GRIP1: variants seen among roughly 807,000 people sequenced by gnomAD.
The protein encoded by GRIP1 is glutamate receptor-interacting protein 1.
In GRIP1, 45 loss-of-function variants were observed where a neutral mutation model predicts 129.9. The ratio of observed to expected loss-of-function variants is 0.35; its 90% CI spans 0.27 to 0.44. The LOEUF (loss-of-function observed/expected upper bound fraction) is 0.44, where lower values mean the gene tolerates loss of function less well. Among genes scored for constraint, GRIP1 ranks in the 20% least tolerant of loss-of-function variants. The pLI, the probability that GRIP1 is intolerant of heterozygous loss-of-function variation, is 1.00. For missense variants in GRIP1, 1,196 were observed against 1,396.8 expected (o/e 0.86, Z 2.29); for synonymous variants, 530 against 520.8 (o/e 1.02, Z -0.24).
At chr12:66,738,541 T>C (rs1592793739) in intron 1 of GRIP1, among the ~76,000 whole-genome samples, 2 of 152,182 alleles carry the variant, frequency 1.3e-5, no homozygotes, top group African/African-American at 4.8e-5. Flanking sequence ...TTTTTTTTAA[T>C]TGCAAGAAAC....
At chr12:66,776,151 T>C (rs2037972945) in intron 1 of GRIP1, among the ~76,000 whole-genome samples, 1 of 152,210 alleles carries the variant, frequency 6.6e-6, no homozygotes, top group South Asian at 2.1e-4. Context: ...TGCCCAAGGC[T>C]ACAGGCCAGA....
intron 2 of GRIP1, among the ~76,000 whole-genome samples, chr12:66,581,323 C>A (rs61926082): frequency 1.3e-5 from 2 of 150,796 alleles, no homozygotes; most frequent in African/African-American, 4.9e-5. Flanking sequence ...AAATTGACAC[C>A]CTAACATCAC....
At chr12:66,601,580 C>T (rs1174692232) in intron 1 of GRIP1, among the ~76,000 whole-genome samples, 1 of 152,162 alleles carries the variant, frequency 6.6e-6, no homozygotes, top group African/African-American at 2.4e-5. Context: ...GACTAATCGT[C>T]CTATGCTAAA....
chr12:66,356,034 C>T (rs1298463025), intron 23 of GRIP1, among the ~76,000 whole-genome samples: 3 of 152,168 alleles, frequency 2.0e-5, no homozygotes, highest in African/African-American at 4.8e-5. Context: ...AGACAAAGCT[C>T]CAAGGTCGAC....
chr12:66,488,858 C>A (rs750360410), intron 7 of GRIP1, among the ~76,000 whole-genome samples: 9 of 152,098 alleles, frequency 5.9e-5, no homozygotes, highest in African/African-American at 9.7e-5. Flanking sequence ...TGCACACAAA[C>A]TAGAAAATCT....
At chr12:66,878,963 T>C (rs867049348) in intron 1 of GRIP1, among the ~76,000 whole-genome samples, 2 of 151,788 alleles carry the variant, frequency 1.3e-5, no homozygotes, top group African/African-American at 4.8e-5. Flanking sequence ...AGAGACAATA[T>C]GGACACTGAT....
At position 66,758,280 on chromosome 12, in the gene GRIP1, A is replaced by C. The variant is rs565865847; in HGVS notation, c.-420+45773T>G. On this transcript the variant is annotated intron_variant, in intron 1 of 4. Transcript: ENST00000538373. ...CAGCAGCAAGAGAAAAATGAGGAACAAACAAAAGCAGAAGCTCCTGATAAA... is the reference window on the plus strand; with the variant it reads ...CAGCAGCAAGAGAAAAATGAGGAACCAACAAAAGCAGAAGCTCCTGATAAA... Among the ~76,000 whole-genome samples, 16 of 152,302 alleles carry C rather than the reference A, an allele frequency of 1.1e-4. No homozygotes were observed. The East Asian group carries it at 3.1e-3, about 29-fold the overall frequency.
In GRIP1 at chr12:66,800,850, C is replaced by T. The variant is rs1592858318; in HGVS notation, c.-420+3203G>A. ...GAATTTCAAAAAGTAAATGGTGCTT[C>T]TTGGTGGATACGATTAAATAAAAAA... is the stretch of plus-strand genomic sequence containing the variant. On this transcript the variant is annotated intron_variant, in intron 1 of 4. Coordinates refer to the GRIP1 transcript ENST00000538373. Among the ~76,000 whole-genome samples, 4 of 151,990 alleles carry T rather than the reference C, an allele frequency of 2.6e-5. No homozygotes were observed. The South Asian group carries it at 6.2e-4, about 24-fold the overall frequency.
chr12:67,020,247 C>T (rs935768726), intron 1 of GRIP1, among the ~76,000 whole-genome samples: 15 of 152,168 alleles, frequency 9.9e-5, no homozygotes, highest in African/African-American at 3.6e-4. Flanking sequence ...CTTTATTTCA[C>T]AGTCTGTGTC....
intron 1 of GRIP1, among the ~76,000 whole-genome samples, chr12:66,990,244 A>G (rs1317715987): frequency 6.6e-6 from 1 of 152,142 alleles, no homozygotes; most frequent in Non-Finnish European, 1.5e-5. Context: ...TACATTTTTA[A>G]ATGGTATCTG....
At chr12:66,694,605 T>G (rs1399476987) in intron 1 of GRIP1, among the ~76,000 whole-genome samples, 2 of 150,874 alleles carry the variant, frequency 1.3e-5, no homozygotes, top group Non-Finnish European at 3.0e-5. Context: ...GTGTGAGGAT[T>G]ATGTTACATT....
intron 1 of GRIP1, among the ~76,000 whole-genome samples, chr12:67,061,301 T>A (rs1370361714): frequency 6.6e-6 from 1 of 152,194 alleles, no homozygotes; most frequent in African/African-American, 2.4e-5. Context: ...GCCTTTGTGA[T>A]ATAGTAACGT....
intron 13 of GRIP1, among the ~76,000 whole-genome samples, chr12:66,436,920 A>C (rs2058324114): frequency 6.9e-6 from 1 of 145,354 alleles, no homozygotes; most frequent in African/African-American, 2.6e-5. Flanking sequence ...CAGGAGACGG[A>C]GGTTGATAGC....
chr12:66,672,675 A>C (rs1425553301), intron 1 of GRIP1, among the ~76,000 whole-genome samples: 1 of 152,136 alleles, frequency 6.6e-6, no homozygotes, highest in African/African-American at 2.4e-5. Context: ...TCAAACACTG[A>C]CGGCTTGCCT....
intron 5 of GRIP1, among the ~76,000 whole-genome samples, chr12:66,526,987 T>C (rs76450057): frequency 0.011 from 1,191 of 113,094 alleles, 20 homozygotes; most frequent in Middle Eastern, 0.025. Flanking sequence ...TACCATCTCA[T>C]ACCAGTTAGA....
chr12:66,748,912 A>T (rs1201728068), intron 1 of GRIP1, among the ~76,000 whole-genome samples: 3 of 152,208 alleles, frequency 2.0e-5, no homozygotes, highest in Non-Finnish European at 4.4e-5. Context: ...AGAGGTAACC[A>T]TTCTTATATA....
At chr12:66,924,985 T>A (rs1399629842) in intron 1 of GRIP1, among the ~76,000 whole-genome samples, 2 of 151,844 alleles carry the variant, frequency 1.3e-5, no homozygotes, top group Non-Finnish European at 2.9e-5. Context: ...AGAAAAAAAA[T>A]TAAGAGAGCA....
chr12:66,823,793 C>A (rs961587030), intron 1 of GRIP1, among the ~76,000 whole-genome samples: 1 of 152,082 alleles, frequency 6.6e-6, no homozygotes, highest in African/African-American at 2.4e-5. Context: ...GGGGTGACAG[C>A]ATCATCCTCT....
chr12:66,673,097 G>A (rs561705198), intron 1 of GRIP1, among the ~76,000 whole-genome samples: 45 of 152,054 alleles, frequency 3.0e-4, no homozygotes, highest in East Asian at 2.5e-3. Flanking sequence ...GTTTCTATCC[G>A]TTTCTAGAAG....
Sources: gnomAD v4.1 joint callset for allele counts (sites outside exome capture counted in the v4.1 genomes callset) on GRCh38, gnomAD v4.1.1 for gene constraint, MANE v1.5 for transcripts, NCBI Gene and HGNC (gene_info 2026-07-23, HGNC 2026-07-21) for gene names.